The following SFMBT1 variants were observed in gnomAD, a reference collection of about 807,000 sequenced individuals.
SFMBT1 encodes Scm like with four mbt domains 1, also known as scm-like with four MBT domains protein 1.
In SFMBT1, 32 loss-of-function variants were observed where a neutral mutation model predicts 108.7. The ratio of observed to expected loss-of-function variants is 0.29; its 90% CI spans 0.22 to 0.40. SFMBT1 has a LOEUF of 0.40. Ranked by LOEUF, SFMBT1 falls within the 10% of genes least tolerant of loss-of-function variation. SFMBT1 has a pLI of 1.00. For missense variants in SFMBT1, 816 were observed against 1,059.6 expected (o/e 0.77, Z 3.19); for synonymous variants, 348 against 369.5 (o/e 0.94, Z 0.67).
chr3:53,040,451 A>G (rs766041046), intron 1 of SFMBT1, among the ~76,000 whole-genome samples: 1 of 151,880 alleles, frequency 6.6e-6, no homozygotes, highest in Non-Finnish European at 1.5e-5. Context: ...CCACCTTCCA[A>G]CTCTCATCTA....
At position 53,017,899 on chromosome 3, in the gene SFMBT1, C is replaced by T. The variant is rs1375006855; in HGVS notation, c.-131+27917G>A. On this transcript the variant is annotated intron_variant, in intron 1 of 20. Coordinates refer to ENST00000394752, the MANE Select transcript of SFMBT1 (RefSeq NM_016329.4). ...TGCTTTTTCATTTCTTTAATACGAACTGGAAGTCTATGCATACTTAGAAAA... is the reference window on the plus strand; with the variant it reads ...TGCTTTTTCATTTCTTTAATACGAATTGGAAGTCTATGCATACTTAGAAAA... Among the ~76,000 whole-genome samples, 5 of 152,140 alleles carry T rather than the reference C, an allele frequency of 3.3e-5. No individual in the cohort carries two copies. In the East Asian group the frequency reaches 9.6e-4, roughly 29 times the overall value.
At chr3:52,966,416 G>C (rs1418701870) in intron 2 of SFMBT1, among the ~76,000 whole-genome samples, 3 of 150,858 alleles carry the variant, frequency 2.0e-5, no homozygotes, top group Non-Finnish European at 4.4e-5. Context: ...ACAGGGTCAG[G>C]AGATCGAGAC....
In SFMBT1 at chr3:52,906,198, T is replaced by C. The variant is rs2106755550; in HGVS notation, c.2375A>G (p.Asn792Ser). The C allele has an allele frequency of 6.2e-7, 1 of 1,614,092 alleles. No individual in the cohort carries two copies. The highest frequency in any genetic ancestry group is 1.3e-5 in the African/African-American group (1 of 75,040). ...EVAERLHLDSNPLKWSVADVV... is the reference protein window; with the variant it reads ...EVAERLHLDSSPLKWSVADVV... Reference sequence around the variant, plus strand: ...GTCTGCCACACTCCACTTCAAGGGGTTACTGTCCAGGTGAAGCCTTTCAGC... The same window carrying C: ...GTCTGCCACACTCCACTTCAAGGGGCTACTGTCCAGGTGAAGCCTTTCAGC... The change falls in exon 20 of 21, where the codon AAC becomes AGC. Residue 792 changes from asparagine (N) to serine (S), a missense_variant. Around this residue, in one of 5 missense-constraint regions of SFMBT1, gnomAD observed 49 missense variants for 91.8 expected, o/e 0.53. Coordinates refer to ENST00000394752, the MANE Select transcript of SFMBT1 (RefSeq NM_016329.4).
chr3:52,948,477 A>T (rs1481277447), intron 3 of SFMBT1, among the ~76,000 whole-genome samples: 1 of 152,046 alleles, frequency 6.6e-6, no homozygotes, highest in South Asian at 2.1e-4. Flanking sequence ...GTACTTTTTG[A>T]AATTTAATTT....
chr3:53,029,986 TACTA>T (rs1460871743), intron 1 of SFMBT1, among the ~76,000 whole-genome samples: 4 of 151,796 alleles, frequency 2.6e-5, no homozygotes, highest in Non-Finnish European at 4.4e-5. Flanking sequence ...GTATTAGAAA[TACTA>T]ACTTAGAAAA....
intron 1 of SFMBT1, among the ~76,000 whole-genome samples, chr3:52,971,484 C>T (rs539640545): frequency 6.6e-6 from 1 of 152,246 alleles, no homozygotes; most frequent in Non-Finnish European, 1.5e-5. Context: ...CCTCAGTTTA[C>T]TTTTCTACCC....
intron 2 of SFMBT1, among the ~76,000 whole-genome samples, chr3:52,966,661 T>C: frequency 6.8e-6 from 1 of 147,368 alleles, no homozygotes; most frequent in African/African-American, 2.5e-5. Flanking sequence ...TAAAGAAAAT[T>C]CTCTAAATAG....
chr3:52,936,221 A>C (rs1157805000), intron 4 of SFMBT1, among the ~76,000 whole-genome samples: 2 of 152,146 alleles, frequency 1.3e-5, no homozygotes, highest in African/African-American at 4.8e-5. Context: ...TTCCTTCTTC[A>C]TTTACTAACC....
At chr3:52,918,805 G>C (rs961922391) in intron 12 of SFMBT1, among the ~76,000 whole-genome samples, 1 of 152,054 alleles carries the variant, frequency 6.6e-6, no homozygotes, top group East Asian at 1.9e-4. Context: ...TAAGTGTTGG[G>C]AAAGCTCAAT....
chr3:52,959,127 G>A (rs915964288), intron 2 of SFMBT1, among the ~76,000 whole-genome samples: 1 of 151,968 alleles, frequency 6.6e-6, no homozygotes, highest in Non-Finnish European at 1.5e-5. Flanking sequence ...GGCCTGTCAA[G>A]GGGGACGGGG....
intron 1 of SFMBT1, among the ~76,000 whole-genome samples, chr3:53,016,049 G>T (rs1449377800): frequency 6.6e-6 from 1 of 151,622 alleles, no homozygotes; most frequent in Non-Finnish European, 1.5e-5. Context: ...GTTTTTCTTT[G>T]ATTTAGAATA....
chr3:53,044,657 G>C (rs1161091997), intron 1 of SFMBT1, among the ~76,000 whole-genome samples: 2 of 152,250 alleles, frequency 1.3e-5, no homozygotes, highest in Non-Finnish European at 2.9e-5. Context: ...AGAAAATGTG[G>C]TTCAAGAGAA....
Position 52,903,994 on chromosome 3 carries a change from T to C in SFMBT1, c.*1142A>G, listed in dbSNP as rs1351107539. 2 of 152,210 alleles carry C rather than the reference T, an allele frequency of 1.3e-5. No individual in the cohort carries two copies. Among genetic ancestry groups the C allele is most frequent in the African/African-American group, 4.8e-5 (2 of 41,460 alleles). The allele number at this position is 152,210 out of a possible 1,614,324, so 9.4% of individuals were successfully genotyped here. ...GAGGTTTCCAGAATCCTTAACCACA[T>C]CTCAGTATTTATCCTGCCACTGAGG... On this transcript the variant is annotated 3_prime_UTR_variant, in exon 21 of 21. Transcript: ENST00000394752.
chr3:52,919,953 T>G (rs917747509), intron 12 of SFMBT1, among the ~76,000 whole-genome samples: 1 of 152,208 alleles, frequency 6.6e-6, no homozygotes, highest in South Asian at 2.1e-4. Context: ...GGTGATCATG[T>G]CACAAGGGCA....
In SFMBT1 at chr3:53,003,036, C is replaced by T. The variant is rs529802135; in HGVS notation, c.-130-33778G>A. ...ACCTGGGAGGCTGAGGCAGGAGGAA[C>T]ACTTGAACCCAGGAGGCAGAGGCTG... is the stretch of plus-strand genomic sequence containing the variant. On this transcript the variant is annotated intron_variant, in intron 1 of 20. Coordinates refer to ENST00000394752, the MANE Select transcript of SFMBT1 (RefSeq NM_016329.4). Among the ~76,000 whole-genome samples the T allele has an allele frequency of 2.0e-4, 27 of 137,378 alleles. 1 individual carries two copies. In the South Asian group the frequency reaches 2.8e-3, roughly 14 times the overall value. The allele number at this position is 137,378 out of a possible 152,430, so 90.1% of individuals were successfully genotyped here. A position where few individuals can be genotyped will look rare whatever the true frequency, so the allele number is the denominator to read the frequency against.
At position 52,916,178 on chromosome 3, in the gene SFMBT1, C is replaced by A; in HGVS notation, c.1452G>T (p.Arg484Ser). The change falls in exon 14 of 21, where the codon AGG becomes AGT. Residue 484 changes from arginine (R) to serine (S), a missense_variant. Coordinates refer to ENST00000394752, the MANE Select transcript of SFMBT1 (RefSeq NM_016329.4). ...ACTCTGTGGAGTTCAGCTCCTGATTCCTCAGGCCCTCGTGGACAGTCCTCG... is the reference window on the plus strand; with the variant it reads ...ACTCTGTGGAGTTCAGCTCCTGATTACTCAGGCCCTCGTGGACAGTCCTCG... ...PSSRTVHEGL[R>S]NQELNSTESV... The A allele has an allele frequency of 6.2e-7, 1 of 1,614,026 alleles. No homozygotes were observed. The highest frequency in any genetic ancestry group is 8.5e-7 in the Non-Finnish European group (1 of 1,179,984).
At chr3:52,931,199 T>C (rs1323455594) in intron 6 of SFMBT1, among the ~76,000 whole-genome samples, 164 bp from the exon 7 acceptor site, 1 of 152,198 alleles carries the variant, frequency 6.6e-6, no homozygotes. Context: ...GCACCTTAAC[T>C]TCAGTACTTT....
chr3:52,946,109 GA>G (rs1703357213), intron 3 of SFMBT1, among the ~76,000 whole-genome samples: 1 of 151,898 alleles, frequency 6.6e-6, no homozygotes. Context: ...CCAATCATGA[GA>G]AAAAAACAAA....
Position 53,029,105 on chromosome 3 carries a change from G to A in SFMBT1, c.-131+16711C>T, listed in dbSNP as rs960460887. Among the ~76,000 whole-genome samples, 31 of 150,614 alleles carry A rather than the reference G, an allele frequency of 2.1e-4. No individual in the cohort carries two copies. In the East Asian group the frequency reaches 4.5e-3, roughly 22 times the overall value. On this transcript the variant is annotated intron_variant, in intron 1 of 20. Transcript: ENST00000394752. ...GGAGAATGGCATGAACCCGGGAGGC[G>A]GAGCTTGCAGTGAGCCGAGATGCAC...
Sources: gnomAD v4.1 joint callset for allele counts (sites outside exome capture counted in the v4.1 genomes callset) on GRCh38, gnomAD v4.1.1 for gene constraint, gnomAD v4.1.1 regional missense constraint, MANE v1.5 for transcripts, NCBI Gene and HGNC (gene_info 2026-07-23, HGNC 2026-07-21) for gene names.